The following CACNA2D3 variants were observed in gnomAD, a reference collection of about 807,000 sequenced individuals.
The protein encoded by CACNA2D3 is voltage-dependent calcium channel subunit alpha-2/delta-3.
Under a neutral mutation model 160.6 loss-of-function variants are expected in CACNA2D3, and 60 were observed. The observed-to-expected ratio is 0.37, with a 90% CI of 0.30 to 0.46. The LOEUF is 0.46. Ranked by LOEUF, CACNA2D3 falls within the 20% of genes least tolerant of loss-of-function variation. CACNA2D3 has a pLI of 1.00. For synonymous variants in CACNA2D3, 558 were observed against 492.9 expected, an observed-to-expected ratio of 1.13 and a Z score of -1.75; for missense variants, 1,205 against 1,365.0, an observed-to-expected ratio of 0.88 and a Z score of 1.85.
chr3:54,245,571 C>T (rs897520771), intron 2 of CACNA2D3, among the ~76,000 whole-genome samples: 24 of 152,172 alleles, frequency 1.6e-4, no homozygotes, highest in African/African-American at 5.8e-4. Flanking sequence ...GCACTGAAAG[C>T]ACCTTGGGCT....
chr3:55,005,001 C>T lies in CACNA2D3; in HGVS notation c.2766+163C>T, dbSNP rs982569675. ...AAAAAAAAAAACACTTCAGGCCGGGCGCGGCAGCTCATGCCCGTAATCCCA... is the reference window on the plus strand; with the variant it reads ...AAAAAAAAAAACACTTCAGGCCGGGTGCGGCAGCTCATGCCCGTAATCCCA... On this transcript the variant is annotated intron_variant, in intron 32 of 37. Coordinates refer to ENST00000474759, the MANE Select transcript of CACNA2D3 (RefSeq NM_018398.3). 6.0e-5 allele frequency among the ~76,000 whole-genome samples: 9 copies of T among 151,220 alleles called. No individual in the cohort carries two copies. The East Asian group carries it at 7.8e-4, about 13-fold the overall frequency.
intron 13 of CACNA2D3, among the ~76,000 whole-genome samples, chr3:54,794,141 A>G (rs1702818696): frequency 6.6e-6 from 1 of 152,094 alleles, no homozygotes; most frequent in Non-Finnish European, 1.5e-5. Context: ...GTATCTATAT[A>G]TTATGTTTTT....
At chr3:54,328,213 T>C (rs1704161558) in intron 3 of CACNA2D3, among the ~76,000 whole-genome samples, 1 of 152,244 alleles carries the variant, frequency 6.6e-6, no homozygotes, top group Admixed American at 6.5e-5. Flanking sequence ...TTATCCTCTC[T>C]AGTATTTGAC....
intron 2 of CACNA2D3, among the ~76,000 whole-genome samples, chr3:54,283,282 G>A (rs963059140): frequency 1.3e-5 from 2 of 152,108 alleles, no homozygotes; most frequent in African/African-American, 4.8e-5. Context: ...ACTGCCCTGG[G>A]GTAAAATCCC....
At chr3:55,008,776 G>A (rs905759727) in intron 33 of CACNA2D3, among the ~76,000 whole-genome samples, 3 of 151,980 alleles carry the variant, frequency 2.0e-5, no homozygotes, top group East Asian at 1.9e-4. Flanking sequence ...ATCCACTGGA[G>A]GATAATTTAT....
At chr3:55,025,425 A>G (rs1325140942) in intron 35 of CACNA2D3, among the ~76,000 whole-genome samples, 1 of 151,924 alleles carries the variant, frequency 6.6e-6, no homozygotes, top group Admixed American at 6.6e-5. Flanking sequence ...TGAGGTCAGG[A>G]GTTCGAGCCC....
chr3:54,558,290 G>A (rs543119997), intron 5 of CACNA2D3, among the ~76,000 whole-genome samples: 2 of 152,192 alleles, frequency 1.3e-5, no homozygotes, highest in African/African-American at 2.4e-5. Flanking sequence ...GGGATCTCTG[G>A]TGAGGGTACA....
chr3:54,842,588 TTTTTCTTTTTTTTC>T (rs1007096770), intron 16 of CACNA2D3, among the ~76,000 whole-genome samples: 6 of 139,476 alleles, frequency 4.3e-5, no homozygotes, highest in African/African-American at 1.6e-4. Context: ...TTCTTTTCTC[TTTTTCTTTTTTTTC>T]TTTTCTTTTT....
intron 4 of CACNA2D3, among the ~76,000 whole-genome samples, chr3:54,410,835 A>G (rs1049848700): frequency 5.3e-5 from 8 of 152,232 alleles, no homozygotes; most frequent in Non-Finnish European, 5.9e-5. Context: ...TGTAGCCACC[A>G]TAAATAGTGA....
At chr3:55,060,307 T>C (rs1288613697) in intron 35 of CACNA2D3, among the ~76,000 whole-genome samples, 1 of 152,140 alleles carries the variant, frequency 6.6e-6, no homozygotes, top group Non-Finnish European at 1.5e-5. Context: ...ATACAATGCC[T>C]GTATAGGGTA....
intron 35 of CACNA2D3, among the ~76,000 whole-genome samples, chr3:55,068,957 C>G (rs1195470382): frequency 3.3e-5 from 5 of 152,166 alleles, no homozygotes; most frequent in Admixed American, 2.0e-4. Flanking sequence ...TTTCACTTTC[C>G]CACCTGTGGT....
At chr3:54,646,344 A>G (rs907705865) in intron 11 of CACNA2D3, among the ~76,000 whole-genome samples, 1 of 151,588 alleles carries the variant, frequency 6.6e-6, no homozygotes, top group Non-Finnish European at 1.5e-5. Flanking sequence ...TACTGCACAG[A>G]TCATTCTGTT....
At chr3:54,657,816 G>C (rs769349671) in intron 11 of CACNA2D3, among the ~76,000 whole-genome samples, 1 of 152,098 alleles carries the variant, frequency 6.6e-6, no homozygotes, top group Non-Finnish European at 1.5e-5. Context: ...ATCATTTGAG[G>C]TCAGGAGTTT....
intron 8 of CACNA2D3, among the ~76,000 whole-genome samples, chr3:54,570,619 G>T (rs1483688185): frequency 6.6e-6 from 1 of 152,078 alleles, no homozygotes; most frequent in East Asian, 1.9e-4. Flanking sequence ...TTAAATGCCT[G>T]CTTTTAATAA....
chr3:54,285,494 C>A (rs1057297882), intron 2 of CACNA2D3, among the ~76,000 whole-genome samples: 1 of 152,196 alleles, frequency 6.6e-6, no homozygotes, highest in Non-Finnish European at 1.5e-5. Context: ...GTAGGCTCCA[C>A]CTCTGGGGGC....
At chr3:54,465,404 ATTG>A (rs1381465799) in intron 4 of CACNA2D3, among the ~76,000 whole-genome samples, 17 of 152,110 alleles carry the variant, frequency 1.1e-4, no homozygotes, top group African/African-American at 3.9e-4. Context: ...TTTATTAGTT[ATTG>A]TTAATCTCTT....
chr3:54,383,928 G>A (rs987930741), intron 3 of CACNA2D3, among the ~76,000 whole-genome samples: 2 of 151,962 alleles, frequency 1.3e-5, no homozygotes, highest in African/African-American at 4.8e-5. Context: ...TTGTTATATA[G>A]GAATATGTTA....
At chr3:55,012,098 C>T (rs4955829) in intron 34 of CACNA2D3, among the ~76,000 whole-genome samples, 4 of 152,110 alleles carry the variant, frequency 2.6e-5, no homozygotes, top group Non-Finnish European at 5.9e-5. Context: ...AGTGGTTAGG[C>T]ACCCTGGGTA....
rs11428424 is a variant in CACNA2D3 at position 54,652,783 on chromosome 3, C to CTTTTT, written c.1167+10555_1167+10559dup. Among the ~76,000 whole-genome samples the CTTTTT allele has an allele frequency of 8.5e-5, 10 of 118,278 alleles. 1 individual carries two copies. Among genetic ancestry groups the CTTTTT allele is most frequent in the Non-Finnish European group, 1.0e-4 (6 of 59,488 alleles). The allele number at this position is 118,278 out of a possible 152,430, so 77.6% of individuals were successfully genotyped here. On this transcript the variant is annotated intron_variant, in intron 11 of 37. Transcript: ENST00000474759. ...GGGGTTGGTGAGGAGCCATGGGAGG[C>CTTTTT]TTTTTTTTTTTTTTTTTGAGACCGA...
Sources: gnomAD v4.1 joint callset for allele counts (sites outside exome capture counted in the v4.1 genomes callset) on GRCh38, gnomAD v4.1.1 for gene constraint, MANE v1.5 for transcripts, NCBI Gene and HGNC (gene_info 2026-07-23, HGNC 2026-07-21) for gene names.